The following SPO11 variants were observed in gnomAD, a reference collection of about 807,000 sequenced individuals.
SPO11 encodes the protein SPO11 initiator of meiotic double strand breaks, also known as meiotic recombination protein SPO11.
SPO11 carries 49 observed loss-of-function variants against 51.6 expected under a neutral mutation model. That is an observed-to-expected ratio of 0.95 (90% CI 0.75 to 1.20). SPO11 has a LOEUF of 1.20. SPO11 is among the 50% of genes most tolerant of loss of function. SPO11 has a pLI of 0.00. For missense variants in SPO11, 431 were observed against 473.4 expected, an observed-to-expected ratio of 0.91 and a Z score of 0.83; for synonymous variants, 176 against 158.2, an observed-to-expected ratio of 1.11 and a Z score of -0.84.
At chr20:57,333,122 A>G in intron 2 of SPO11, 66 bp from the exon 3 acceptor site, 1 of 1,147,374 alleles carries the variant, frequency 8.7e-7, no homozygotes, top group Non-Finnish European at 1.3e-6. Flanking sequence ...GACCATAAGT[A>G]TATATTGTTT....
intron 10 of SPO11, 46 bp downstream of exon 10, chr20:57,339,072 T>A: frequency 7.8e-7 from 1 of 1,287,294 alleles, no homozygotes; most frequent in Non-Finnish European, 1.1e-6. Flanking sequence ...TTAGACATTT[T>A]ATATTCATTG....
chr20:57,341,790 ATAAT>A (rs2066585199), intron 11 of SPO11, among the ~76,000 whole-genome samples: 1 of 152,250 alleles, frequency 6.6e-6, no homozygotes, highest in African/African-American at 2.4e-5. Flanking sequence ...ATATGATCTG[ATAAT>A]TAGTAAGGTG....
Position 57,341,783 on chromosome 20 carries a change from TG to T in SPO11, c.960-945del, listed in dbSNP as rs1206323592. ...AATTTTAACACAAATTCAAGACATA[TG>T]ATCTGATAATTAGTAAGGTGAATAG... On this transcript the variant is annotated intron_variant, in intron 11 of 12. Coordinates refer to ENST00000371263, the MANE Select transcript of SPO11 (RefSeq NM_012444.3). Among the ~76,000 whole-genome samples, 14 of 152,358 alleles carry T rather than the reference TG, an allele frequency of 9.2e-5. No individual in the cohort carries two copies. In the South Asian group the frequency reaches 2.7e-3, roughly 29 times the overall value.
Position 57,343,334 on chromosome 20 carries a change from T to C in SPO11, c.1072-7T>C, listed in dbSNP as rs368668611. 1.5e-5 allele frequency: 24 copies of C among 1,605,404 alleles called. No homozygotes were observed. In the African/African-American group the frequency reaches 2.7e-4, roughly 18 times the overall value. Reference sequence around the variant, plus strand: ...CTGGTATGAGTACATTTTACTTTTATTGACAGATGGAAATAATGGCAGACT... The same window carrying C: ...CTGGTATGAGTACATTTTACTTTTACTGACAGATGGAAATAATGGCAGACT... On this transcript the variant is annotated splice_region_variant and splice_polypyrimidine_tract_variant and intron_variant, in intron 12 of 12. Coordinates refer to ENST00000371263, the MANE Select transcript of SPO11 (RefSeq NM_012444.3).
At chr20:57,330,374 GT>G (rs995609822) in intron 1 of SPO11, among the ~76,000 whole-genome samples, 5 of 151,524 alleles carry the variant, frequency 3.3e-5, no homozygotes, top group African/African-American at 7.3e-5. Context: ...AACTTTAAGG[GT>G]TTTTTTTGGT....
At chr20:57,342,651 AT>A in intron 11 of SPO11, 77 bp from the exon 12 acceptor site, 1 of 852,894 alleles carries the variant, frequency 1.2e-6, no homozygotes, top group Admixed American at 2.2e-5. Context: ...AAGTAGTACC[AT>A]AAATACAGGC....
chr20:57,334,311 C>G (rs28368077), intron 5 of SPO11, among the ~76,000 whole-genome samples: 6,016 of 152,056 alleles, frequency 0.04, 171 homozygotes, highest in African/African-American at 0.088. Flanking sequence ...CCTGCCACCA[C>G]GCCCGGCTAA....
chr20:57,333,382 T>G, intron 3 of SPO11, 106 bp downstream of exon 3: 1 of 738,342 alleles, frequency 1.4e-6, no homozygotes, highest in Non-Finnish European at 2.2e-6. Context: ...TTTTAATAGA[T>G]CACTTTCATA....
rs746749994 is a variant in SPO11 at position 57,333,232 on chromosome 20, C to T, written c.290C>T (p.Thr97Ile). ...CTTCAGATGGTATCCCATTGCACCA[C>T]CAGAAAGATCAAAAGTGATTCACCA... ...VGLQMVSHCT[T>I]RKIKSDSPKS... Residue 97 changes from threonine to isoleucine, a missense_variant, in exon 3 of 13, where the codon ACC (threonine) becomes ATC (isoleucine). Thr to Ile is a moderately conservative substitution (Grantham distance 89, BLOSUM62 -1). Transcript: ENST00000371263. 1 of 1,610,006 alleles carries T rather than the reference C, an allele frequency of 6.2e-7. No individual in the cohort carries two copies. Among genetic ancestry groups the T allele is most frequent in the South Asian group, 1.1e-5 (1 of 90,024 alleles).
Position 57,343,627 on chromosome 20 carries a change from C to A in SPO11, c.*167C>A. 1.4e-6 allele frequency: 1 copy of A among 738,488 alleles called. No individual in the cohort carries two copies. Among genetic ancestry groups the A allele is most frequent in the Non-Finnish European group, 2.0e-6 (1 of 506,880 alleles). The allele number at this position is 738,488 out of a possible 1,614,324, so 45.7% of individuals were successfully genotyped here. Reference sequence around the variant, plus strand: ...TTTTGTCAAAACAAATGCTGTACTCCAATTTTCTTTGCAAGGCCTTATTCT... The same window carrying A: ...TTTTGTCAAAACAAATGCTGTACTCAAATTTTCTTTGCAAGGCCTTATTCT... On this transcript the variant is annotated 3_prime_UTR_variant, in exon 13 of 13. Transcript: ENST00000371263.
At chr20:57,337,598 C>A in intron 8 of SPO11, 1 of 488,426 alleles carries the variant, frequency 2.0e-6, no homozygotes. Context: ...TTAAATAACA[C>A]TTCAGTGAGC....
chr20:57,332,899 T>TA (rs966141485), intron 2 of SPO11, among the ~76,000 whole-genome samples: 12 of 152,282 alleles, frequency 7.9e-5, no homozygotes, highest in Admixed American at 5.2e-4. Context: ...GTCTTCCCAG[T>TA]AAAAAAGTAT....
chr20:57,335,047 A>G (rs1469704071), intron 6 of SPO11, among the ~76,000 whole-genome samples: 3 of 151,942 alleles, frequency 2.0e-5, no homozygotes, highest in African/African-American at 4.9e-5. Context: ...ATAAACATAC[A>G]AATATAACTC....
intron 11 of SPO11, among the ~76,000 whole-genome samples, chr20:57,342,086 C>T (rs1220522479): frequency 6.6e-6 from 1 of 152,182 alleles, no homozygotes; most frequent in Non-Finnish European, 1.5e-5. Context: ...CAGGACCTCT[C>T]ATGTTCTATT....
chr20:57,335,519 G>A (rs750506809), intron 7 of SPO11, 64 bp downstream of exon 7: 2 of 1,507,758 alleles, frequency 1.3e-6, no homozygotes, highest in Admixed American at 3.7e-5. Flanking sequence ...TAATTCCTTT[G>A]GTAAGCCAAG....
intron 1 of SPO11, among the ~76,000 whole-genome samples, chr20:57,330,675 T>G (rs2146075492): frequency 6.6e-6 from 1 of 152,338 alleles, no homozygotes; most frequent in South Asian, 2.1e-4. Context: ...TTCCTCGACT[T>G]GCTTTCTTGG....
intron 11 of SPO11, 54 bp from the exon 12 acceptor site, chr20:57,342,675 A>G (rs1356412771): frequency 8.8e-7 from 1 of 1,140,720 alleles, no homozygotes; most frequent in East Asian, 2.4e-5. Flanking sequence ...AATACAGGAC[A>G]TTCAAGTTAC....
At chr20:57,330,980 A>G (rs1244854116) in intron 1 of SPO11, among the ~76,000 whole-genome samples, 1 of 152,236 alleles carries the variant, frequency 6.6e-6, no homozygotes, top group Non-Finnish European at 1.5e-5. Context: ...TAAATGTTTT[A>G]AAATTCATTT....
rs773236395 is a variant in SPO11 at position 57,334,011 on chromosome 20, A to C, written c.426A>C (p.Gln142His). Residue 142 changes from glutamine (Q) to histidine (H), a missense_variant, in exon 5 of 13, where the codon CAA (glutamine) becomes CAC (histidine). Transcript: ENST00000371263. Reference sequence around the variant, plus strand: ...GGGACATATATTACACTGACAGTCAACTCTTTGGTAACCAGACTGTCGTCG... The same window carrying C: ...GGGACATATATTACACTGACAGTCACCTCTTTGGTAACCAGACTGTCGTCG... ...TKRDIYYTDS[Q>H]LFGNQTVVDN... 5.1e-6 allele frequency: 8 copies of C among 1,580,812 alleles called. No homozygotes were observed. Among genetic ancestry groups the C allele is most frequent in the Non-Finnish European group, 6.9e-6 (8 of 1,163,060 alleles).
Sources: allele counts gnomAD v4.1 joint callset (sites outside exome capture counted in the v4.1 genomes callset), GRCh38; gene constraint gnomAD v4.1.1; transcripts MANE v1.5; gene names NCBI Gene and HGNC (gene_info 2026-07-23, HGNC 2026-07-21).